Variants in MAP4 observed in about 807,000 individuals in gnomAD.
MAP4 encodes microtubule associated protein 4.
MAP4 carries 76 observed loss-of-function variants against 170.2 expected under a neutral mutation model. The observed-to-expected ratio is 0.45, with a 90% confidence interval of 0.37 to 0.54. MAP4 has a LOEUF of 0.54. Ranked by LOEUF, MAP4 falls within the 20% of genes least tolerant of loss-of-function variation. The probability of loss-of-function intolerance (pLI) is 0.00; values close to 1 mark genes in which losing one functional copy is unlikely to be tolerated. For synonymous variants in MAP4, 909 were observed against 994.5 expected (o/e 0.91, Z 1.62); for missense variants, 2,506 against 2,748.0 (o/e 0.91, Z 1.97).
chr3:48,055,639 T>G (rs1399538677), intron 1 of MAP4, among the ~76,000 whole-genome samples: 2 of 110,038 alleles, frequency 1.8e-5, no homozygotes, highest in African/African-American at 7.2e-5. Flanking sequence ...GTCTGGGAAG[T>G]GAGGAGTGTC....
At chr3:47,865,516 G>GCA (rs140128267) in intron 17 of MAP4, among the ~76,000 whole-genome samples, 4 of 151,880 alleles carry the variant, frequency 2.6e-5, no homozygotes, top group African/African-American at 9.7e-5. Context: ...GGGGCAGGAA[G>GCA]GAGTTGTGTG....
intron 3 of MAP4, among the ~76,000 whole-genome samples, chr3:47,938,769 TGA>T: frequency 6.6e-6 from 1 of 152,348 alleles, no homozygotes; most frequent in African/African-American, 2.4e-5. Context: ...GTCACAGTAA[TGA>T]CCTCTAAGGA....
At chr3:48,076,987 G>GT (rs950500342) in intron 1 of MAP4, among the ~76,000 whole-genome samples, 20 of 151,386 alleles carry the variant, frequency 1.3e-4, no homozygotes, top group Admixed American at 7.3e-4. Context: ...AATTAAAATT[G>GT]TTTTTTTTAA....
At chr3:48,021,647 A>C (rs1010668289) in intron 1 of MAP4, among the ~76,000 whole-genome samples, 1 of 152,166 alleles carries the variant, frequency 6.6e-6, no homozygotes, top group Non-Finnish European at 1.5e-5. Flanking sequence ...CGCCCGGCCT[A>C]ATCTATAGAT....
At chr3:48,076,299 A>G (rs2100143849) in intron 1 of MAP4, among the ~76,000 whole-genome samples, 1 of 151,506 alleles carries the variant, frequency 6.6e-6, no homozygotes, top group Non-Finnish European at 1.5e-5. Context: ...GATCAAGACC[A>G]TTCTGGCTAA....
chr3:47,973,481 G>C lies in MAP4; in HGVS notation c.292+4384C>G, dbSNP rs546866347. 9 of 985,176 alleles carry C rather than the reference G, an allele frequency of 9.1e-6. No homozygotes were observed. In the East Asian group the frequency reaches 5.7e-4, roughly 62 times the overall value. The allele number at this position is 985,176 out of a possible 1,614,324, so 61.0% of individuals were successfully genotyped here. ...TTCTTTCAAAATGAAACGTCCAAGT[G>C]AAACAGATAGAGCTAACATATACCA... On this transcript the variant is annotated intron_variant, in intron 3 of 20. Transcript: ENST00000683076.
Position 47,875,814 on chromosome 3 carries a change from G to A in MAP4, c.5628C>T (p.Thr1876=). ...PTSLPKQPAP[T]TIGGLNKKPM... ...GTTTTTTATTCAACCCACCAATGGT[G>A]GTGGGAGCTGGCTGCTTAGGGAGAG... is the stretch of plus-strand genomic sequence containing the variant. Residue 1876 remains threonine, a synonymous_variant, in exon 12 of 21, where the codon ACC becomes ACT. Coordinates refer to ENST00000683076, the MANE Select transcript of MAP4 (RefSeq NM_001385682.1). 6.2e-7 allele frequency: 1 copy of A among 1,613,944 alleles called. No homozygotes were observed. Among genetic ancestry groups the A allele is most frequent in the Non-Finnish European group, 8.5e-7 (1 of 1,179,952 alleles).
In MAP4 at chr3:47,910,588, G is replaced by T. The variant is rs1190665221; in HGVS notation, c.3833C>A (p.Thr1278Lys). The change falls in exon 9 of 21, where the codon ACA becomes AAA. Residue 1278 changes from threonine to lysine, a missense_variant. Physicochemically the swap from Thr to Lys is moderately conservative, Grantham distance 78. This residue lies in a region of MAP4 where 2,008 missense variants were observed against 2,206.0 expected (regional missense o/e 0.91). Coordinates refer to ENST00000683076, the MANE Select transcript of MAP4 (RefSeq NM_001385682.1). ...HDSSFSHTPDTPTVEAVDRKG... is the reference protein window; with the variant it reads ...HDSSFSHTPDKPTVEAVDRKG... ...CCTGTCAACTGCTTCCACTGTGGGT[G>T]TATCTGGTGTATGTGAGAACGAAGA... The T allele has an allele frequency of 5.2e-6, 8 of 1,535,998 alleles. No homozygotes were observed. In the Admixed American group the frequency reaches 1.2e-4, roughly 23 times the overall value.
At chr3:47,898,790 T>A (rs1238168747) in intron 10 of MAP4, among the ~76,000 whole-genome samples, 3 of 151,812 alleles carry the variant, frequency 2.0e-5, no homozygotes, top group Non-Finnish European at 2.9e-5. Context: ...ACAAAAAAAA[T>A]AAGAAAAAAA....
intron 12 of MAP4, among the ~76,000 whole-genome samples, chr3:47,875,053 G>A (rs959451225): frequency 8.5e-5 from 13 of 152,342 alleles, no homozygotes; most frequent in African/African-American, 2.2e-4. Context: ...TACAGAAACC[G>A]TGGGTGACCT....
At chr3:47,996,819 G>C (rs1477822378) in intron 2 of MAP4, among the ~76,000 whole-genome samples, 1 of 151,400 alleles carries the variant, frequency 6.6e-6, no homozygotes, top group African/African-American at 2.4e-5. Context: ...TTATCACACA[G>C]AGATTTAAAA....
intron 5 of MAP4, among the ~76,000 whole-genome samples, chr3:47,920,449 G>T (rs950346467): frequency 4.6e-5 from 7 of 151,964 alleles, no homozygotes; most frequent in Admixed American, 1.3e-4. Flanking sequence ...CACCATTTTG[G>T]CCAGGCTGGT....
chr3:47,972,658 G>A (rs2100079459), intron 3 of MAP4, among the ~76,000 whole-genome samples: 1 of 152,150 alleles, frequency 6.6e-6, no homozygotes, highest in Admixed American at 6.5e-5. Context: ...AGGCTAAGGT[G>A]GCCGGATCAT....
At chr3:47,887,996 T>C (rs2097897946) in intron 10 of MAP4, among the ~76,000 whole-genome samples, 1 of 151,954 alleles carries the variant, frequency 6.6e-6, no homozygotes. Context: ...AGCTCAAGGT[T>C]TGTAAACACA....
At chr3:47,932,278 G>C (rs938154623) in intron 3 of MAP4, among the ~76,000 whole-genome samples, 1 of 152,066 alleles carries the variant, frequency 6.6e-6, no homozygotes, top group African/African-American at 2.4e-5. Context: ...CCTTTTTATA[G>C]CCAAATAACA....
At position 47,852,159 on chromosome 3, in the gene MAP4, C is replaced by T. The variant is rs919642515; in HGVS notation, c.*775G>A. 4.6e-5 allele frequency: 7 copies of T among 152,608 alleles called. No homozygotes were observed. Among genetic ancestry groups the T allele is most frequent in the Non-Finnish European group, 8.8e-5 (6 of 68,330 alleles). 9.5% of individuals were successfully genotyped at this position (152,608 alleles called of 1,614,324 possible). A position where few individuals can be genotyped will look rare whatever the true frequency, so the allele number is the denominator to read the frequency against. On this transcript the variant is annotated 3_prime_UTR_variant, in exon 21 of 21. Transcript: ENST00000683076. ...AGCGGGGGTGGCATAAGGATATCTC[C>T]GCCCTGTTCCCTCTAACACTTACTG...
At position 47,875,866 on chromosome 3, in the gene MAP4, G is replaced by A; in HGVS notation, c.5576C>T (p.Thr1859Ile). 1 of 1,612,796 alleles carries A rather than the reference G, an allele frequency of 6.2e-7. No homozygotes were observed. Among genetic ancestry groups the A allele is most frequent in the Non-Finnish European group, 8.5e-7 (1 of 1,179,734 alleles). ...LATTQPAKTSTSKAKTQPTSL... is the reference protein window; with the variant it reads ...LATTQPAKTSISKAKTQPTSL... ...AGTGGGCTGTGTTTTGGCTTTCGAT[G>A]TTGAAGTCTTTGCAGGTTGAGTGGT... is the stretch of plus-strand genomic sequence containing the variant. The change falls in exon 12 of 21, where the codon ACA becomes ATA. Residue 1859 changes from threonine to isoleucine, a missense_variant. Thr to Ile is a moderately conservative substitution (Grantham distance 89, BLOSUM62 -1). Transcript: ENST00000683076.
intron 12 of MAP4, among the ~76,000 whole-genome samples, chr3:47,872,827 T>G (rs1343613273): frequency 6.6e-6 from 1 of 152,208 alleles, no homozygotes. Context: ...TGTAATAAAA[T>G]CTAATGTATT....
chr3:47,872,405 G>C (rs922045466), intron 12 of MAP4, among the ~76,000 whole-genome samples: 1 of 152,188 alleles, frequency 6.6e-6, no homozygotes, highest in African/African-American at 2.4e-5. Flanking sequence ...GGATGATCTC[G>C]ATCTCCTGAC....
Sources: allele counts gnomAD v4.1 joint callset (sites outside exome capture counted in the v4.1 genomes callset), GRCh38; gene constraint gnomAD v4.1.1; regional missense constraint gnomAD v4.1.1; transcripts MANE v1.5; gene names NCBI Gene and HGNC (gene_info 2026-07-23, HGNC 2026-07-21).